The following INPP4B variants were observed in gnomAD, a reference collection of about 807,000 sequenced individuals.
INPP4B encodes inositol polyphosphate-4-phosphatase type II B.
In INPP4B, 55 loss-of-function variants were observed where a neutral mutation model predicts 122.5. That is an observed-to-expected ratio of 0.45 (90% CI 0.36 to 0.56). The LOEUF (loss-of-function observed/expected upper bound fraction) is 0.56, where lower values mean the gene tolerates loss of function less well. Ranked by LOEUF, INPP4B falls within the 20% of genes least tolerant of loss-of-function variation. INPP4B has a pLI of 0.00. For synonymous variants in INPP4B, 403 were observed against 388.7 expected (o/e 1.04, Z -0.43); for missense variants, 1,000 against 1,097.7 (o/e 0.91, Z 1.26).
chr4:142,507,166 T>C (rs923505943), intron 2 of INPP4B, among the ~76,000 whole-genome samples: 2 of 152,196 alleles, frequency 1.3e-5, no homozygotes, highest in African/African-American at 4.8e-5. Context: ...TACAGTATTA[T>C]AGCCACGAGG....
rs958410086 is a variant in INPP4B, at chr4:142,514,762, C to G, written c.-190-52036G>C. On this transcript the variant is annotated intron_variant, in intron 2 of 25. Transcript: ENST00000262992. ...AGTAAGAGTGAGAAAGAGAGGTATA[C>G]ACTGCCATCCCCTGCACACACCATG... Among the ~76,000 whole-genome samples, 9 of 150,708 alleles carry G rather than the reference C, an allele frequency of 6.0e-5. No homozygotes were observed. In the East Asian group the frequency reaches 1.8e-3, roughly 29 times the overall value.
At chr4:142,351,696 G>A (rs1358926086) in intron 7 of INPP4B, among the ~76,000 whole-genome samples, 1 of 151,940 alleles carries the variant, frequency 6.6e-6, no homozygotes, top group African/African-American at 2.4e-5. Flanking sequence ...AAATAAATAA[G>A]TTGGCCAAGA....
intron 17 of INPP4B, among the ~76,000 whole-genome samples, chr4:142,160,098 G>A (rs990827197): frequency 2.0e-5 from 3 of 151,866 alleles, no homozygotes; most frequent in Non-Finnish European, 4.4e-5. Context: ...GGAAACATAA[G>A]AGTCTTGTAA....
intron 25 of INPP4B, among the ~76,000 whole-genome samples, chr4:142,034,684 C>T (rs962734652): frequency 1.3e-5 from 2 of 152,060 alleles, no homozygotes; most frequent in Non-Finnish European, 2.9e-5. Context: ...GTATCCAGAC[C>T]ATATATGGTC....
At chr4:142,085,666 C>T (rs1481621407) in intron 24 of INPP4B, among the ~76,000 whole-genome samples, 1 of 152,118 alleles carries the variant, frequency 6.6e-6, no homozygotes, top group Non-Finnish European at 1.5e-5. Flanking sequence ...AAGAGCAATC[C>T]ATCAGTAATG....
At chr4:142,666,388 A>C (rs1452077319) in intron 2 of INPP4B, among the ~76,000 whole-genome samples, 1 of 152,188 alleles carries the variant, frequency 6.6e-6, no homozygotes, top group African/African-American at 2.4e-5. Flanking sequence ...AAAAGAGTTT[A>C]GAGGTAAATA....
At chr4:142,370,530 A>G (rs1393294504) in intron 7 of INPP4B, among the ~76,000 whole-genome samples, 1 of 152,150 alleles carries the variant, frequency 6.6e-6, no homozygotes, top group Non-Finnish European at 1.5e-5. Context: ...AGATGACATG[A>G]TATTATATAT....
chr4:142,681,889 C>T (rs1758675695), intron 2 of INPP4B, among the ~76,000 whole-genome samples: 2 of 151,772 alleles, frequency 1.3e-5, no homozygotes, highest in African/African-American at 4.8e-5. Context: ...ATATTGCTGT[C>T]TATGCTTTAC....
At chr4:142,477,855 A>G (rs1819996337) in intron 2 of INPP4B, among the ~76,000 whole-genome samples, 1 of 152,234 alleles carries the variant, frequency 6.6e-6, no homozygotes, top group Non-Finnish European at 1.5e-5. Context: ...TATATAAAGA[A>G]GAGCTGATAC....
At chr4:142,667,244 C>T (rs762568928) in intron 2 of INPP4B, among the ~76,000 whole-genome samples, 4 of 152,178 alleles carry the variant, frequency 2.6e-5, no homozygotes, top group Non-Finnish European at 1.5e-5. Context: ...ATCCAGCCTT[C>T]ACATTTTAGT....
intron 7 of INPP4B, among the ~76,000 whole-genome samples, chr4:142,332,971 A>C (rs533516405): frequency 1.4e-5 from 2 of 144,666 alleles, no homozygotes; most frequent in East Asian, 4.0e-4. Context: ...AGATCGCGCC[A>C]CTGCACTCCA....
At chr4:142,035,560 G>T (rs1466498375) in intron 25 of INPP4B, among the ~76,000 whole-genome samples, 1 of 152,186 alleles carries the variant, frequency 6.6e-6, no homozygotes, top group East Asian at 1.9e-4. Flanking sequence ...GTACCAGGAG[G>T]TGGGTGGAGG....
At chr4:142,771,799 C>T (rs1248683650) in intron 1 of INPP4B, among the ~76,000 whole-genome samples, 1 of 152,110 alleles carries the variant, frequency 6.6e-6, no homozygotes, top group African/African-American at 2.4e-5. Context: ...GCAAGGATTA[C>T]TGAGTCAGTT....
intron 2 of INPP4B, among the ~76,000 whole-genome samples, chr4:142,480,253 AC>A (rs1820345475): frequency 6.6e-6 from 1 of 152,188 alleles, no homozygotes; most frequent in Non-Finnish European, 1.5e-5. Context: ...GTAATAGCTA[AC>A]CACAAAATCT....
intron 22 of INPP4B, among the ~76,000 whole-genome samples, chr4:142,110,604 G>T (rs1789527018): frequency 1.3e-5 from 2 of 152,080 alleles, no homozygotes; most frequent in African/African-American, 2.4e-5. Context: ...CAAATTAACG[G>T]TTGATGTCAG....
chr4:142,049,770 G>A (rs1003463687), intron 25 of INPP4B, among the ~76,000 whole-genome samples: 2 of 151,938 alleles, frequency 1.3e-5, no homozygotes, highest in East Asian at 3.9e-4. Flanking sequence ...CTCAAGACTT[G>A]GTACAATAGA....
chr4:142,537,906 G>A (rs1171764287), intron 2 of INPP4B, among the ~76,000 whole-genome samples: 4 of 151,998 alleles, frequency 2.6e-5, no homozygotes, highest in African/African-American at 9.7e-5. Context: ...ATGGAAAACC[G>A]AAGTAAGCTA....
intron 15 of INPP4B, among the ~76,000 whole-genome samples, chr4:142,192,333 T>TAAAA (rs71586265): frequency 2.2e-4 from 2 of 8,954 alleles, no homozygotes; most frequent in African/African-American, 4.5e-4. Context: ...AATCTAAAAG[T>TAAAA]AAAAAAAAAA....
intron 2 of INPP4B, among the ~76,000 whole-genome samples, chr4:142,576,014 A>G (rs963984267): frequency 6.6e-6 from 1 of 152,046 alleles, no homozygotes; most frequent in Admixed American, 6.6e-5. Flanking sequence ...TGTAGAGTCC[A>G]CGTTCAAATG....
Sources: allele counts gnomAD v4.1 joint callset (sites outside exome capture counted in the v4.1 genomes callset), GRCh38; gene constraint gnomAD v4.1.1; transcripts MANE v1.5; gene names NCBI Gene and HGNC (gene_info 2026-07-23, HGNC 2026-07-21).